TNIK: variants seen among roughly 807,000 people sequenced by gnomAD.
The protein encoded by TNIK is TRAF2 and NCK-interacting protein kinase.
TNIK carries 49 observed loss-of-function variants against 191.3 expected under a neutral mutation model. The ratio of observed to expected loss-of-function variants is 0.26; its 90% CI spans 0.20 to 0.32. The LOEUF (loss-of-function observed/expected upper bound fraction) is 0.32. Among genes scored for constraint, TNIK ranks in the 10% least tolerant of loss-of-function variants. The pLI is 1.00. For synonymous variants in TNIK, 594 were observed against 600.9 expected (o/e 0.99, Z 0.17); for missense variants, 1,155 against 1,702.3 (o/e 0.68, Z 5.66).
At chr3:171,370,042 G>C (rs1716282641) in intron 1 of TNIK, among the ~76,000 whole-genome samples, 1 of 152,200 alleles carries the variant, frequency 6.6e-6, no homozygotes, top group African/African-American at 2.4e-5. Flanking sequence ...TCATCATCCT[G>C]AGAAGGTTCT....
chr3:171,090,745 G>C (rs1721957610), intron 23 of TNIK, among the ~76,000 whole-genome samples: 1 of 152,186 alleles, frequency 6.6e-6, no homozygotes, highest in Admixed American at 6.5e-5. Flanking sequence ...CTAGAACCGA[G>C]TAAAAAGTGG....
At chr3:171,221,830 A>G (rs1360791763) in intron 3 of TNIK, among the ~76,000 whole-genome samples, 1 of 152,078 alleles carries the variant, frequency 6.6e-6, no homozygotes, top group African/African-American at 2.4e-5. Flanking sequence ...AGTGCAAACT[A>G]TTTACCCATA....
chr3:171,344,686 G>A (rs1311261884), intron 2 of TNIK, among the ~76,000 whole-genome samples: 1 of 151,926 alleles, frequency 6.6e-6, no homozygotes, highest in Non-Finnish European at 1.5e-5. Flanking sequence ...CCCACTAAGT[G>A]TACTTTTCTT....
chr3:171,335,474 C>A (rs116197706), intron 2 of TNIK, among the ~76,000 whole-genome samples: 2,465 of 152,242 alleles, frequency 0.016, 55 homozygotes, highest in South Asian at 0.062. Context: ...GTTCTCCATC[C>A]CTATAGTTTT....
chr3:171,399,899 G>A (rs910414111), intron 1 of TNIK, among the ~76,000 whole-genome samples: 1 of 152,120 alleles, frequency 6.6e-6, no homozygotes, highest in Admixed American at 6.5e-5. Flanking sequence ...ATCAGGAGGT[G>A]GGGAAGTAAT....
intron 3 of TNIK, among the ~76,000 whole-genome samples, chr3:171,223,557 C>G (rs2108970166): frequency 6.6e-6 from 1 of 152,204 alleles, no homozygotes; most frequent in Admixed American, 6.5e-5. Context: ...GGTTACATTG[C>G]TCAGGCTGAA....
chr3:171,091,718 G>C (rs1722078597), intron 23 of TNIK, among the ~76,000 whole-genome samples: 1 of 151,792 alleles, frequency 6.6e-6, no homozygotes. Flanking sequence ...CTGGGTGACA[G>C]AGCGAGACTC....
intron 1 of TNIK, among the ~76,000 whole-genome samples, chr3:171,452,964 C>T (rs1170662394): frequency 6.6e-6 from 1 of 152,088 alleles, no homozygotes. Context: ...GAATTGTACT[C>T]TACATAAAAA....
chr3:171,209,064 G>GTTGTGTGTGT (rs1553856583), intron 4 of TNIK, among the ~76,000 whole-genome samples: 1 of 142,016 alleles, frequency 7.0e-6, no homozygotes, highest in Non-Finnish European at 1.5e-5. Flanking sequence ...CTTTGGAAGG[G>GTTGTGTGTGT]GTGTGTGTGT....
At chr3:171,374,199 T>C (rs1009231392) in intron 1 of TNIK, among the ~76,000 whole-genome samples, 3 of 152,188 alleles carry the variant, frequency 2.0e-5, no homozygotes, top group African/African-American at 7.2e-5. Flanking sequence ...TCTAGACAAG[T>C]TGTTTTACCA....
At chr3:171,398,608 G>A (rs535735499) in intron 1 of TNIK, among the ~76,000 whole-genome samples, 32 of 152,232 alleles carry the variant, frequency 2.1e-4, no homozygotes, top group African/African-American at 7.5e-4. Flanking sequence ...CCAAATCAGT[G>A]TTACCTAAAC....
intron 2 of TNIK, among the ~76,000 whole-genome samples, chr3:171,299,039 T>C (rs1023644996): frequency 6.6e-6 from 1 of 152,128 alleles, no homozygotes; most frequent in African/African-American, 2.4e-5. Context: ...AAATTCCTCC[T>C]GAAATGAAGG....
chr3:171,400,695 T>C (rs867155326), intron 1 of TNIK, among the ~76,000 whole-genome samples: 1 of 152,224 alleles, frequency 6.6e-6, no homozygotes, highest in Admixed American at 6.5e-5. Flanking sequence ...TTATTCTTAA[T>C]GTTGCTGAAA....
chr3:171,183,173 T>C (rs768765295), intron 7 of TNIK, among the ~76,000 whole-genome samples: 4 of 152,084 alleles, frequency 2.6e-5, no homozygotes, highest in Non-Finnish European at 5.9e-5. Context: ...ACAAGAAGCT[T>C]ACAGGAAGCA....
At chr3:171,452,832 T>C (rs1275135709) in intron 1 of TNIK, among the ~76,000 whole-genome samples, 2 of 150,338 alleles carry the variant, frequency 1.3e-5, no homozygotes, top group East Asian at 1.9e-4. Flanking sequence ...AATAAGACAA[T>C]GGAGAGAACA....
At chr3:171,201,004 G>A (rs1560253745) in intron 4 of TNIK, among the ~76,000 whole-genome samples, 2 of 152,178 alleles carry the variant, frequency 1.3e-5, no homozygotes, top group Non-Finnish European at 2.9e-5. Flanking sequence ...TATGGTAAAA[G>A]GAGGGGTTGG....
At position 171,194,836 on chromosome 3, in the gene TNIK, T is replaced by G. The variant is rs992622621; in HGVS notation, c.307-201A>C. 3.3e-5 allele frequency among the ~76,000 whole-genome samples: 5 copies of G among 152,228 alleles called. No homozygotes were observed. The South Asian group carries it at 1.0e-3, about 31-fold the overall frequency. On this transcript the variant is annotated intron_variant, in intron 4 of 32. Coordinates refer to ENST00000436636, the MANE Select transcript of TNIK (RefSeq NM_015028.4). ...ATAAAGGAAACATTATTTTTAAATT[T>G]TTCAACCTGTAAGTTATATTTGAAA...
At chr3:171,191,869 A>G (rs1309774514) in intron 5 of TNIK, among the ~76,000 whole-genome samples, 9 of 152,240 alleles carry the variant, frequency 5.9e-5, no homozygotes, top group Non-Finnish European at 5.9e-5. Flanking sequence ...ATTATAATCT[A>G]AAATAATCTA....
chr3:171,410,030 G>T (rs1297344551), intron 1 of TNIK, among the ~76,000 whole-genome samples: 2 of 151,930 alleles, frequency 1.3e-5, no homozygotes, highest in Admixed American at 1.3e-4. Context: ...GCAAGGCAAA[G>T]TTAAATAAAA....
Sources: gnomAD v4.1 joint callset for allele counts (sites outside exome capture counted in the v4.1 genomes callset) on GRCh38, gnomAD v4.1.1 for gene constraint, MANE v1.5 for transcripts, NCBI Gene and HGNC (gene_info 2026-07-23, HGNC 2026-07-21) for gene names.